SGO1: variants seen among roughly 807,000 people sequenced by gnomAD.
SGO1 encodes shugoshin 1.
Under a neutral mutation model 50.5 loss-of-function variants are expected in SGO1, and 39 were observed. The ratio of observed to expected loss-of-function variants is 0.77; its 90% CI spans 0.60 to 1.01. SGO1 has a LOEUF of 1.01. Among genes scored for constraint, SGO1 ranks in the 50% least tolerant of loss-of-function variants. SGO1 has a pLI of 0.00. For synonymous variants in SGO1, 191 were observed against 205.1 expected (o/e 0.93, Z 0.59); for missense variants, 638 against 606.0 (o/e 1.05, Z -0.55).
intron 5 of SGO1, among the ~76,000 whole-genome samples, chr3:20,175,691 C>G (rs976996089): frequency 6.6e-6 from 1 of 151,318 alleles, no homozygotes; most frequent in Non-Finnish European, 1.5e-5. Flanking sequence ...CCCAACTACT[C>G]GGGAGACTGA....
At position 20,183,780 on chromosome 3, in the gene SGO1, T is replaced by C; in HGVS notation, c.167A>G (p.Asn56Ser). 1.2e-6 allele frequency: 2 copies of C among 1,611,490 alleles called. No individual in the cohort carries two copies. Among genetic ancestry groups the C allele is most frequent in the Non-Finnish European group, 8.5e-7 (1 of 1,179,384 alleles). ...IITNTSTLLK[N>S]YQDNNKMLVL... ...TAACATTTTGTTGTTGTCTTGGTAA[T>C]TTTTCAGCAGTGTAGAAGTGTTGGC... is the stretch of plus-strand genomic sequence containing the variant. The change falls in exon 3 of 8, where the codon AAT (asparagine) becomes AGT (serine). Residue 56 changes from asparagine (N) to serine (S), a missense_variant. Physicochemically the swap from Asn to Ser is conservative, Grantham distance 46. Transcript: ENST00000412997.
rs1183423854 is a variant in SGO1 at position 20,183,749 on chromosome 3, T to C, written c.198A>G (p.Leu66=). The part of the protein sequence containing the change: ...NYQDNNKMLV[L]ALENEKSKVK... ...CTTTGGATTTTTCATTTTCCAAAGCTAAAACTAACATTTTGTTGTTGTCTT... is the reference window on the plus strand; with the variant it reads ...CTTTGGATTTTTCATTTTCCAAAGCCAAAACTAACATTTTGTTGTTGTCTT... Residue 66 remains leucine, a synonymous_variant, in exon 3 of 8, where the codon TTA becomes TTG. Transcript: ENST00000412997. 6.2e-7 allele frequency: 1 copy of C among 1,613,304 alleles called. No homozygotes were observed. Among genetic ancestry groups the C allele is most frequent in the Admixed American group, 1.7e-5 (1 of 59,868 alleles).
chr3:20,185,932 C>T lies in SGO1; in HGVS notation c.-8+16G>A, dbSNP rs1452405056. 2 of 152,202 alleles carry T rather than the reference C, an allele frequency of 1.3e-5. No homozygotes were observed. Among genetic ancestry groups the T allele is most frequent in the Admixed American group, 6.5e-5 (1 of 15,272 alleles). The allele number at this position is 152,202 out of a possible 1,614,324, so 9.4% of individuals were successfully genotyped here. A position where few individuals can be genotyped will look rare whatever the true frequency, so the allele number is the denominator to read the frequency against. Reference sequence around the variant, plus strand: ...AAGGGAAGTCAAACAGGGATCACTACGCCCTTGTTTCGCACCTTAAAACCT... The same window carrying T: ...AAGGGAAGTCAAACAGGGATCACTATGCCCTTGTTTCGCACCTTAAAACCT... On this transcript the variant is annotated intron_variant, in intron 1 of 7. Coordinates refer to ENST00000412997, the MANE Select transcript of SGO1 (RefSeq NM_001199251.3).
At chr3:20,172,469 G>A (rs1260996252) in intron 6 of SGO1, among the ~76,000 whole-genome samples, 2 of 140,138 alleles carry the variant, frequency 1.4e-5, no homozygotes, top group African/African-American at 5.4e-5. Context: ...CCACTGCACT[G>A]TAGCCTGGGC....
chr3:20,161,512 A>T (rs1232584707), intron 8 of SGO1, among the ~76,000 whole-genome samples: 2 of 152,208 alleles, frequency 1.3e-5, no homozygotes, highest in African/African-American at 4.8e-5. Flanking sequence ...AATGATATGG[A>T]AAGAATGTAG....
downstream of SGO1, among the ~76,000 whole-genome samples, chr3:20,164,649 TTTAA>T (rs1158965590): frequency 1.3e-5 from 2 of 152,010 alleles, no homozygotes; most frequent in African/African-American, 4.8e-5. Context: ...ACGTGCAGAC[TTTAA>T]TTAAGATCAT....
intron 5 of SGO1, 100 bp downstream of exon 5, chr3:20,176,501 A>G (rs984620746): frequency 1.5e-5 from 11 of 752,524 alleles, no homozygotes; most frequent in Non-Finnish European, 1.9e-5. Context: ...ACAAATTTAA[A>G]AAGTTAAAAA....
intron 3 of SGO1, among the ~76,000 whole-genome samples, chr3:20,180,168 T>G (rs946949048): frequency 2.0e-5 from 3 of 152,098 alleles, no homozygotes; most frequent in Non-Finnish European, 2.9e-5. Flanking sequence ...CGTGGTGGTG[T>G]TCCAGCTATT....
Position 20,162,819 on chromosome 3 carries a change from T to G in SGO1, c.1565-1593A>C, listed in dbSNP as rs1333717337. On this transcript the variant is annotated intron_variant, in intron 8 of 8. Transcript: ENST00000263753. ...TAGAGGTAAAAAAAAAAATACAATATCATGACAGAAAAAATACACTGGATA... is the reference window on the plus strand; with the variant it reads ...TAGAGGTAAAAAAAAAAATACAATAGCATGACAGAAAAAATACACTGGATA... Among the ~76,000 whole-genome samples the G allele has an allele frequency of 2.7e-5, 4 of 149,932 alleles. No individual in the cohort carries two copies. The East Asian group carries it at 5.9e-4, about 22-fold the overall frequency.
chr3:20,174,516 A>C lies in SGO1; in HGVS notation c.1015T>G (p.Leu339Val). 6.2e-7 allele frequency: 1 copy of C among 1,614,062 alleles called. No individual in the cohort carries two copies. The highest frequency in any genetic ancestry group is 1.1e-5 in the South Asian group (1 of 91,042). Residue 339 changes from leucine (L) to valine (V), a missense_variant, in exon 6 of 8, where the codon TTG becomes GTG. Physicochemically the swap from Leu to Val is conservative, Grantham distance 32. Coordinates refer to ENST00000412997, the MANE Select transcript of SGO1 (RefSeq NM_001199251.3). ...VSSNDAYNFN[L>V]EEGVHLTPFR... ...GGAGTAAGATGAACACCCTCTTCCA[A>C]ATTAAAATTGTAAGCATCATTGGAA...
intron 1 of SGO1, among the ~76,000 whole-genome samples, chr3:20,185,460 A>T (rs1290481807): frequency 6.6e-6 from 1 of 152,130 alleles, no homozygotes; most frequent in Non-Finnish European, 1.5e-5. Context: ...GACAGACCAC[A>T]GCGCGAGATG....
rs1700573594 is a variant in SGO1 at position 20,170,245 on chromosome 3, A to C, written c.*459T>G. 2.1e-6 allele frequency: 1 copy of C among 486,678 alleles called. No homozygotes were observed. Among genetic ancestry groups the C allele is most frequent in the South Asian group, 8.8e-5 (1 of 11,362 alleles). The allele number at this position is 486,678 out of a possible 1,614,324, so 30.1% of individuals were successfully genotyped here. A position where few individuals can be genotyped will look rare whatever the true frequency, so the allele number is the denominator to read the frequency against. ...GAAACCCTGTCTCTACTAAAAATAC[A>C]AAATTAGCCGGGCGTAGTGGCACAT... is the stretch of plus-strand genomic sequence containing the variant. On this transcript the variant is annotated 3_prime_UTR_variant, in exon 8 of 8. Transcript: ENST00000412997.
chr3:20,163,189 T>C (rs73037144), intron 8 of SGO1, among the ~76,000 whole-genome samples: 203 of 152,212 alleles, frequency 1.3e-3, no homozygotes, highest in Admixed American at 2.2e-3. Context: ...TTGAAAGTCA[T>C]AAACTTCTAT....
At chr3:20,167,386 T>C (rs1700358831), downstream of SGO1, among the ~76,000 whole-genome samples, 1 of 152,126 alleles carries the variant, frequency 6.6e-6, no homozygotes. Flanking sequence ...AAGGGAATTA[T>C]AAGCAAGGTA....
At chr3:20,179,265 A>C (rs371067343) in intron 3 of SGO1, among the ~76,000 whole-genome samples, 1 of 152,312 alleles carries the variant, frequency 6.6e-6, no homozygotes, top group African/African-American at 2.4e-5. Context: ...GGTATGTTTG[A>C]GATCCCTTAT....
intron 6 of SGO1, among the ~76,000 whole-genome samples, chr3:20,172,013 A>G (rs1700797268): frequency 2.6e-5 from 4 of 152,252 alleles, no homozygotes; most frequent in Non-Finnish European, 5.9e-5. Flanking sequence ...AAATGATTGT[A>G]TACTAAGAGC....
intron 1 of SGO1, among the ~76,000 whole-genome samples, chr3:20,185,701 C>G (rs1337001219): frequency 6.6e-6 from 1 of 152,194 alleles, no homozygotes; most frequent in Non-Finnish European, 1.5e-5. Flanking sequence ...TGTGTCCTTA[C>G]GTTGAGCCAG....
chr3:20,168,241 G>T (rs892450850), downstream of SGO1, among the ~76,000 whole-genome samples: 4 of 152,122 alleles, frequency 2.6e-5, no homozygotes, highest in African/African-American at 9.7e-5. Context: ...AGACCAGAAT[G>T]ATCTTTAAGG....
rs958945322 is a variant in SGO1 at position 20,170,189 on chromosome 3, G to C, written c.*515C>G. On this transcript the variant is annotated 3_prime_UTR_variant, in exon 8 of 8. Transcript: ENST00000412997. Reference sequence around the variant, plus strand: ...CGAGGTGGGCAGATCACCTGAGGTTGGGAGTTTGAGAGCAACCTGACCAAC... The same window carrying C: ...CGAGGTGGGCAGATCACCTGAGGTTCGGAGTTTGAGAGCAACCTGACCAAC... The C allele has an allele frequency of 1.3e-6, 1 of 787,140 alleles. No homozygotes were observed. The highest frequency in any genetic ancestry group is 1.5e-6 in the Non-Finnish European group (1 of 649,060). The allele number at this position is 787,140 out of a possible 1,614,324, so 48.8% of individuals were successfully genotyped here. A position where few individuals can be genotyped will look rare whatever the true frequency, so the allele number is the denominator to read the frequency against.
Sources: gnomAD v4.1 joint callset for allele counts (sites outside exome capture counted in the v4.1 genomes callset) on GRCh38, gnomAD v4.1.1 for gene constraint, MANE v1.5 for transcripts, NCBI Gene and HGNC (gene_info 2026-07-23, HGNC 2026-07-21) for gene names.